ZWILCH: variants seen among roughly 807,000 people sequenced by gnomAD.
ZWILCH encodes the protein protein zwilch homolog.
A neutral mutation model predicts 79.9 loss-of-function variants in ZWILCH; 74 were observed. The observed-to-expected ratio is 0.93, with a 90% CI of 0.77 to 1.12. ZWILCH has a LOEUF of 1.12. Among genes scored for constraint, ZWILCH ranks in the 50% most tolerant of loss-of-function variants. The pLI is 0.00. For synonymous variants in ZWILCH, 241 were observed against 228.2 expected, an observed-to-expected ratio of 1.06 and a Z score of -0.51; for missense variants, 694 against 687.5, an observed-to-expected ratio of 1.01 and a Z score of -0.11.
At chr15:66,544,708 G>GTTTT (rs1895300834) in intron 17 of ZWILCH, among the ~76,000 whole-genome samples, 2 of 99,438 alleles carry the variant, frequency 2.0e-5, no homozygotes, top group African/African-American at 8.6e-5. Context: ...TTGTTTTTTT[G>GTTTT]TTGTTTTTTT....
intron 2 of ZWILCH, among the ~76,000 whole-genome samples, chr15:66,510,497 G>T (rs1479740319): frequency 1.3e-5 from 2 of 152,060 alleles, no homozygotes; most frequent in Non-Finnish European, 2.9e-5. Flanking sequence ...ACCTTTCACT[G>T]TCTGAATTCT....
At chr15:66,529,877 G>T (rs1395102996) in intron 12 of ZWILCH, among the ~76,000 whole-genome samples, 1 of 152,228 alleles carries the variant, frequency 6.6e-6, no homozygotes, top group Admixed American at 6.5e-5. Context: ...ATTGTTAAGT[G>T]TTGCTGTGAA....
intron 2 of ZWILCH, among the ~76,000 whole-genome samples, chr15:66,513,428 C>G (rs576735713): frequency 2.0e-5 from 3 of 151,818 alleles, no homozygotes; most frequent in Non-Finnish European, 2.9e-5. Flanking sequence ...TAGCCAGGTG[C>G]GGTGGCACAC....
chr15:66,546,561 A>G (rs2140818271), intron 17 of ZWILCH, 30 bp from the exon 18 acceptor site: 1 of 1,534,360 alleles, frequency 6.5e-7, no homozygotes, highest in Non-Finnish European at 9.0e-7. Flanking sequence ...GTGTTAAGCA[A>G]TTCTGATCTC....
At chr15:66,533,910 C>T (rs1894931215) in intron 14 of ZWILCH, among the ~76,000 whole-genome samples, 1 of 152,074 alleles carries the variant, frequency 6.6e-6, no homozygotes, top group Non-Finnish European at 1.5e-5. Flanking sequence ...AGTGTGAGAT[C>T]AGCCTGGGCA....
chr15:66,526,130 T>C (rs1030346941), intron 8 of ZWILCH, among the ~76,000 whole-genome samples: 1 of 152,098 alleles, frequency 6.6e-6, no homozygotes, highest in African/African-American at 2.4e-5. Flanking sequence ...CTGGGAAATG[T>C]TGTATTTTCT....
At chr15:66,509,855 A>G (rs941123314) in intron 2 of ZWILCH, among the ~76,000 whole-genome samples, 8 of 106,558 alleles carry the variant, frequency 7.5e-5, no homozygotes, top group Admixed American at 1.0e-4. Context: ...ATATATATAT[A>G]TATATATATA....
In ZWILCH at chr15:66,549,962, C is replaced by A. The variant is rs1895535185; in HGVS notation, c.*1638C>A. The A allele has an allele frequency of 8.3e-6, 8 of 969,562 alleles. No individual in the cohort carries two copies. In the East Asian group the frequency reaches 2.4e-4, roughly 30 times the overall value. 60.1% of individuals were successfully genotyped at this position (969,562 alleles called of 1,614,324 possible). A position where few individuals can be genotyped will look rare whatever the true frequency, so the allele number is the denominator to read the frequency against. Reference sequence around the variant, plus strand: ...GGAAGATTGACTTCAAGTAGAGCCACATTTTGAGATTTTGAAAATGATATG... The same window carrying A: ...GGAAGATTGACTTCAAGTAGAGCCAAATTTTGAGATTTTGAAAATGATATG... On this transcript the variant is annotated 3_prime_UTR_variant, in exon 19 of 19. Coordinates refer to ENST00000307897, the MANE Select transcript of ZWILCH (RefSeq NM_017975.5).
chr15:66,517,455 T>TATAGAGAGAGAGAG (rs1180456312), intron 4 of ZWILCH, among the ~76,000 whole-genome samples: 1 of 115,222 alleles, frequency 8.7e-6, no homozygotes, highest in South Asian at 2.9e-4. Flanking sequence ...TATATATATA[T>TATAGAGAGAGAGAG]AGTAATGTAC....
chr15:66,527,698 G>T lies in ZWILCH; in HGVS notation c.914-159G>T, dbSNP rs535633119. ...TCCGTTCATCCTCACACCCCCACCTGATGGATATCTATTATAATCTCCACC... is the reference window on the plus strand; with the variant it reads ...TCCGTTCATCCTCACACCCCCACCTTATGGATATCTATTATAATCTCCACC... On this transcript the variant is annotated intron_variant, in intron 9 of 18. Coordinates refer to ENST00000307897, the MANE Select transcript of ZWILCH (RefSeq NM_017975.5). Among the ~76,000 whole-genome samples, 8 of 152,256 alleles carry T rather than the reference G, an allele frequency of 5.3e-5. No individual in the cohort carries two copies. In the South Asian group the frequency reaches 1.7e-3, roughly 32 times the overall value.
chr15:66,536,684 T>C (rs923811324), intron 15 of ZWILCH, among the ~76,000 whole-genome samples: 3 of 145,724 alleles, frequency 2.1e-5, no homozygotes, highest in African/African-American at 7.6e-5. Context: ...TTTGCCTCAG[T>C]TGTAGAGGGG....
rs1894485835 is a variant in ZWILCH, at chr15:66,521,276, G to A, written c.747+71G>A. 1.9e-6 allele frequency: 3 copies of A among 1,554,268 alleles called. No individual in the cohort carries two copies. The South Asian group carries it at 3.5e-5, about 18-fold the overall frequency. ...ATGTTGGCTTACTTGGTTGTTGCTGGTGCTCCATGCCTCTAGCCTTGGCAC... is the reference window on the plus strand; with the variant it reads ...ATGTTGGCTTACTTGGTTGTTGCTGATGCTCCATGCCTCTAGCCTTGGCAC... On this transcript the variant is annotated intron_variant, in intron 7 of 18. Coordinates refer to ENST00000307897, the MANE Select transcript of ZWILCH (RefSeq NM_017975.5).
intron 6 of ZWILCH, 106 bp downstream of exon 6, chr15:66,520,766 G>A (rs1894464433): frequency 2.6e-6 from 2 of 778,146 alleles, no homozygotes; most frequent in South Asian, 1.9e-5. Flanking sequence ...ATATTTTTCT[G>A]TAGTATGAAA....
chr15:66,547,201 T>C (rs1895406550), intron 18 of ZWILCH: 1 of 139,014 alleles, frequency 7.2e-6, no homozygotes, highest in Non-Finnish European at 1.6e-5. Flanking sequence ...TTTTTTTTTT[T>C]TTTTTTTTTT....
chr15:66,512,295 G>A (rs993353614), intron 2 of ZWILCH, among the ~76,000 whole-genome samples: 1 of 152,068 alleles, frequency 6.6e-6, no homozygotes, highest in Non-Finnish European at 1.5e-5. Flanking sequence ...GTCTTACTCT[G>A]TTGCCCAGGC....
At chr15:66,519,168 T>C in intron 5 of ZWILCH, 90 bp downstream of exon 5, 16 of 1,272,560 alleles carry the variant, frequency 1.3e-5, no homozygotes, top group Non-Finnish European at 1.7e-5. Flanking sequence ...GATATTGTTA[T>C]GATGAAAGTG....
Position 66,527,270 on chromosome 15 carries a change from G to A in ZWILCH, c.820-20G>A, listed in dbSNP as rs769937041. 24 of 1,598,382 alleles carry A rather than the reference G, an allele frequency of 1.5e-5. No homozygotes were observed. Among genetic ancestry groups the A allele is most frequent in the Non-Finnish European group, 2.0e-5 (23 of 1,167,494 alleles). The stretch of plus-strand genomic sequence containing the variant: ...GTGTTTTCTGCTAACAAGTTTTTGG[G>A]GTTTTTAAATCTCCTGTAGGTTTTG... On this transcript the variant is annotated intron_variant, in intron 8 of 18. Coordinates refer to ENST00000307897, the MANE Select transcript of ZWILCH (RefSeq NM_017975.5).
intron 13 of ZWILCH, 123 bp from the exon 14 acceptor site, chr15:66,532,862 A>G (rs1373365154): frequency 2.4e-5 from 16 of 672,456 alleles, no homozygotes; most frequent in African/African-American, 3.8e-5. Context: ...AAAAATTTAT[A>G]TAGATTCCTT....
chr15:66,533,179 A>C (rs1894907022), intron 14 of ZWILCH, among the ~76,000 whole-genome samples, 166 bp downstream of exon 14: 1 of 152,162 alleles, frequency 6.6e-6, no homozygotes, highest in African/African-American at 2.4e-5. Context: ...ATAGACAAAA[A>C]AGTAGCCCAT....
Sources: gnomAD v4.1 joint callset for allele counts (sites outside exome capture counted in the v4.1 genomes callset) on GRCh38, gnomAD v4.1.1 for gene constraint, MANE v1.5 for transcripts, NCBI Gene and HGNC (gene_info 2026-07-23, HGNC 2026-07-21) for gene names.